SDK1: variants seen among roughly 807,000 people sequenced by gnomAD.
SDK1 encodes the protein sidekick cell adhesion molecule 1, also known as protein sidekick-1.
A neutral mutation model predicts 245.5 loss-of-function variants in SDK1; 157 were observed. The ratio of observed to expected loss-of-function variants is 0.64; its 90% confidence interval spans 0.56 to 0.73. The LOEUF is 0.73. SDK1 is among the 30% of genes least tolerant of loss of function. The pLI is 0.00. For synonymous variants in SDK1, 1,647 were observed against 1,278.5 expected, an observed-to-expected ratio of 1.29 and a Z score of -6.15; for missense variants, 3,583 against 3,002.3, an observed-to-expected ratio of 1.19 and a Z score of -4.52.
At chr7:3,338,528 A>C in intron 1 of SDK1, 1 of 430,170 alleles carries the variant, frequency 2.3e-6, no homozygotes, top group Non-Finnish European at 4.5e-6. Context: ...GTTCCCAGAG[A>C]AGCACACTTT....
intron 15 of SDK1, 50 bp from the exon 16 acceptor site, chr7:4,012,045 G>C: frequency 7.4e-7 from 1 of 1,353,742 alleles, no homozygotes. Flanking sequence ...ATGGGCCCCC[G>C]CTGTTTCTGG....
chr7:4,187,599 A>G (rs534522997), intron 35 of SDK1, among the ~76,000 whole-genome samples: 1 of 152,338 alleles, frequency 6.6e-6, no homozygotes, highest in East Asian at 1.9e-4. Context: ...CTGTGATTAA[A>G]TGCCTGCAGA....
intron 16 of SDK1, among the ~76,000 whole-genome samples, chr7:4,012,513 A>G (rs6973765): frequency 8.4e-6 from 1 of 119,672 alleles, no homozygotes; most frequent in African/African-American, 3.0e-5. Context: ...AGGGGGTATT[A>G]GGGGTTGGAA....
intron 42 of SDK1, among the ~76,000 whole-genome samples, chr7:4,241,201 C>T (rs1014625569): frequency 6.6e-6 from 1 of 152,230 alleles, no homozygotes; most frequent in Non-Finnish European, 1.5e-5. Context: ...ACGTTCGTGT[C>T]ACCTCAAAAG....
intron 1 of SDK1, among the ~76,000 whole-genome samples, chr7:3,491,509 A>C (rs1015570514): frequency 6.6e-6 from 1 of 152,224 alleles, no homozygotes; most frequent in Non-Finnish European, 1.5e-5. Flanking sequence ...AATGAATTAA[A>C]GATTGGAGCA....
intron 5 of SDK1, among the ~76,000 whole-genome samples, chr7:3,922,100 C>T (rs1779605169): frequency 6.6e-6 from 1 of 152,220 alleles, no homozygotes; most frequent in African/African-American, 2.4e-5. Context: ...TTGCTTACTT[C>T]TTTTGCCATA....
intron 1 of SDK1, among the ~76,000 whole-genome samples, chr7:3,357,344 T>TTTTTTTTTTTTTG (rs1780830190): frequency 1.1e-5 from 1 of 92,464 alleles, no homozygotes. Context: ...TTTTTTTTTT[T>TTTTTTTTTTTTTG]TTTTTTTTTT....
rs746967075 is a variant in SDK1, at chr7:4,029,228, T to TTTTGTG, written c.2602+11877_2602+11878insTTGTGT. 1.9e-4 allele frequency among the ~76,000 whole-genome samples: 21 copies of TTTTGTG among 112,072 alleles called. 3 individuals are homozygous for TTTTGTG. The highest frequency in any genetic ancestry group is 5.1e-4 in the Admixed American group (6 of 11,868). The allele number at this position is 112,072 out of a possible 152,430, so 73.5% of individuals were successfully genotyped here. A position where few individuals can be genotyped will look rare whatever the true frequency, so the allele number is the denominator to read the frequency against. On this transcript the variant is annotated intron_variant, in intron 17 of 44. Transcript: ENST00000404826. Reference sequence around the variant, plus strand: ...TTTTATTCTTTCTTTTTTTTTTTTTTTGTGAAGAAGTCTCACTCTGTCATC... The same window carrying TTTTGTG: ...TTTTATTCTTTCTTTTTTTTTTTTTTTTTGTGTGTGAAGAAGTCTCACTCTGTCATC...
At chr7:3,692,828 T>C (rs1319010470) in intron 4 of SDK1, among the ~76,000 whole-genome samples, 1 of 152,160 alleles carries the variant, frequency 6.6e-6, no homozygotes, top group Non-Finnish European at 1.5e-5. Flanking sequence ...GTGGTATTTG[T>C]GTCGAGTTTA....
chr7:3,629,850 A>G (rs555599184), intron 2 of SDK1, among the ~76,000 whole-genome samples: 3 of 152,364 alleles, frequency 2.0e-5, no homozygotes, highest in African/African-American at 7.2e-5. Context: ...GATTGAAACC[A>G]AGCCAGAACT....
chr7:3,406,820 C>T (rs547899773), intron 1 of SDK1, among the ~76,000 whole-genome samples: 19 of 152,204 alleles, frequency 1.2e-4, no homozygotes, highest in Admixed American at 3.3e-4. Context: ...TCCATATACA[C>T]AAAATGAATT....
chr7:3,411,777 A>C (rs1468138061), intron 1 of SDK1, among the ~76,000 whole-genome samples: 2 of 152,052 alleles, frequency 1.3e-5, no homozygotes, highest in African/African-American at 4.8e-5. Context: ...ACCACCACTT[A>C]AGAGCAATAG....
chr7:4,241,393 G>A (rs1786507589), intron 42 of SDK1, among the ~76,000 whole-genome samples: 1 of 152,126 alleles, frequency 6.6e-6, no homozygotes, highest in South Asian at 2.1e-4. Flanking sequence ...CCAGCACTTT[G>A]AGAGGCCGAG....
Position 3,866,439 on chromosome 7 carries a change from T to C in SDK1, c.847+44856T>C, listed in dbSNP as rs28408018. ...TGAACGATGAAAGGGGGCCAAGTGA[T>C]TCTCTCAGCAGAGAGAACAAGTACA... On this transcript the variant is annotated intron_variant, in intron 5 of 44. Transcript: ENST00000404826. Among the ~76,000 whole-genome samples the C allele has an allele frequency of 8.2e-3, 1,244 of 152,284 alleles. 22 individuals are homozygous for C. The highest frequency in any genetic ancestry group is 0.028 in the African/African-American group (1,174 of 41,548).
Position 4,051,654 on chromosome 7 carries a change from C to T in SDK1, c.2735C>T (p.Ala912Val), listed in dbSNP as rs747257741. 73 of 1,611,018 alleles carry T rather than the reference C, an allele frequency of 4.5e-5. No homozygotes were observed. The highest frequency in any genetic ancestry group is 2.2e-4 in the Admixed American group (13 of 59,498). Reference sequence around the variant, plus strand: ...CCATCTCAGCTTCTGGCATGGCCGGCAGATGCCCCCGAGGCTGTCACTGTG... The same window carrying T: ...CCATCTCAGCTTCTGGCATGGCCGGTAGATGCCCCCGAGGCTGTCACTGTG... Reference protein sequence around the residue: ...NQGYKLLAWPADAPEAVTVVT... With the variant: ...NQGYKLLAWPVDAPEAVTVVT... Residue 912 changes from alanine (A) to valine (V), a missense_variant, in exon 19 of 45, where the codon GCA becomes GTA. By Grantham distance (64) the Ala-to-Val change is moderately conservative. Transcript: ENST00000404826.
At chr7:3,671,066 C>T (rs1406028074) in intron 4 of SDK1, among the ~76,000 whole-genome samples, 1 of 152,098 alleles carries the variant, frequency 6.6e-6, no homozygotes, top group African/African-American at 2.4e-5. Flanking sequence ...GGCTCTAGGC[C>T]CTTGGAGGAC....
intron 18 of SDK1, among the ~76,000 whole-genome samples, chr7:4,051,218 CAT>C (rs1269025316): frequency 1.5e-5 from 2 of 137,118 alleles, no homozygotes; most frequent in African/African-American, 2.7e-5. Flanking sequence ...GTATACATAA[CAT>C]ATACTATATA....
At chr7:3,341,734 G>A (rs1780353627) in intron 1 of SDK1, among the ~76,000 whole-genome samples, 1 of 152,196 alleles carries the variant, frequency 6.6e-6, no homozygotes, top group Non-Finnish European at 1.5e-5. Context: ...ACTTCAACAT[G>A]TGTAGGATAT....
At chr7:3,507,664 T>C (rs1190415288) in intron 1 of SDK1, among the ~76,000 whole-genome samples, 1 of 152,194 alleles carries the variant, frequency 6.6e-6, no homozygotes, top group African/African-American at 2.4e-5. Flanking sequence ...CCTGACACAT[T>C]CTAAGTGGTT....
Sources: allele counts gnomAD v4.1 joint callset (sites outside exome capture counted in the v4.1 genomes callset), GRCh38; gene constraint gnomAD v4.1.1; transcripts MANE v1.5; gene names NCBI Gene and HGNC (gene_info 2026-07-23, HGNC 2026-07-21).